Variants in ANO1 observed in about 807,000 individuals in gnomAD.
ANO1 encodes anoctamin-1.
ANO1 carries 59 observed loss-of-function variants against 124.0 expected under a neutral mutation model. The ratio of observed to expected loss-of-function variants is 0.48; its 90% CI spans 0.39 to 0.59. The LOEUF (loss-of-function observed/expected upper bound fraction) is 0.59. ANO1 is among the 20% of genes least tolerant of loss of function. The pLI, the probability that ANO1 is intolerant of heterozygous loss-of-function variation, is 0.00. For missense variants in ANO1, 1,059 were observed against 1,328.0 expected, an observed-to-expected ratio of 0.80 and a Z score of 3.15; for synonymous variants, 529 against 532.0, an observed-to-expected ratio of 0.99 and a Z score of 0.08.
the ANO1 span, among the ~76,000 whole-genome samples, chr11:69,966,143 G>T: frequency 6.6e-6 from 1 of 152,224 alleles, no homozygotes; most frequent in African/African-American, 2.4e-5. Flanking sequence ...AATGGAAGTC[G>T]CTGCTCAGGG....
chr11:70,027,061 A>T (rs1360732006), intron 1 of ANO1, among the ~76,000 whole-genome samples: 1 of 152,122 alleles, frequency 6.6e-6, no homozygotes, highest in Non-Finnish European at 1.5e-5. Flanking sequence ...CCTCCTCAGG[A>T]TGACAGCAAC....
the ANO1 span, among the ~76,000 whole-genome samples, chr11:69,971,168 G>A: frequency 6.6e-5 from 10 of 152,296 alleles, no homozygotes; most frequent in South Asian, 2.1e-3. Context: ...TGCTGGGGGG[G>A]CACCAACTAG....
chr11:70,112,936 G>T (rs1437679709), intron 7 of ANO1, among the ~76,000 whole-genome samples: 1 of 152,158 alleles, frequency 6.6e-6, no homozygotes, highest in Non-Finnish European at 1.5e-5. Context: ...CAGTTCAGGG[G>T]TGTATTCTCC....
chr11:70,087,658 G>A, intron 1 of ANO1, 94 bp from the exon 2 acceptor site: 1 of 1,230,872 alleles, frequency 8.1e-7, no homozygotes, highest in Non-Finnish European at 1.1e-6. Flanking sequence ...GAACGAGTGA[G>A]TGAGGAGTGA....
At chr11:69,974,596 G>A in the ANO1 span, among the ~76,000 whole-genome samples, 120 of 152,330 alleles carry the variant, frequency 7.9e-4, no homozygotes, top group African/African-American at 2.8e-3. Context: ...CTGGACCCAG[G>A]GATGGGGGAC....
chr11:70,114,483 T>G (rs1356646448), intron 7 of ANO1, among the ~76,000 whole-genome samples: 3 of 152,242 alleles, frequency 2.0e-5, no homozygotes, highest in Non-Finnish European at 2.9e-5. Context: ...AGGCTCTCAC[T>G]GCATGCAGTG....
At chr11:70,019,946 G>T (rs1856770508) in intron 1 of ANO1, among the ~76,000 whole-genome samples, 1 of 152,210 alleles carries the variant, frequency 6.6e-6, no homozygotes, top group Admixed American at 6.5e-5. Flanking sequence ...GGGGGCCGAG[G>T]GCCCCTGGCT....
intron 11 of ANO1, among the ~76,000 whole-genome samples, chr11:70,133,434 T>C (rs2046838098): frequency 6.6e-6 from 1 of 152,136 alleles, no homozygotes; most frequent in African/African-American, 2.4e-5. Flanking sequence ...CGGGGGAGGC[T>C]GGAAACCTAG....
chr11:70,131,682 G>A (rs1208172676), intron 10 of ANO1, among the ~76,000 whole-genome samples: 1 of 152,238 alleles, frequency 6.6e-6, no homozygotes, highest in African/African-American at 2.4e-5. Flanking sequence ...ATGAGGCCCT[G>A]CTGAGCTCAG....
intron 11 of ANO1, 36 bp downstream of exon 11, chr11:70,132,115 G>A (rs771068265): frequency 3.2e-6 from 5 of 1,553,172 alleles, no homozygotes; most frequent in Admixed American, 3.7e-5. Context: ...TTTTTGGGCA[G>A]TGGTGAGTCT....
chr11:70,032,865 A>T (rs1857027259), intron 1 of ANO1, among the ~76,000 whole-genome samples: 1 of 151,562 alleles, frequency 6.6e-6, no homozygotes, highest in Non-Finnish European at 1.5e-5. Flanking sequence ...AGAAGGGTGG[A>T]TGGAGGGAGA....
At chr11:70,093,572 C>A (rs565117512) in intron 2 of ANO1, among the ~76,000 whole-genome samples, 24 of 152,288 alleles carry the variant, frequency 1.6e-4, no homozygotes, top group African/African-American at 5.3e-4. Context: ...TGATGTTGAA[C>A]CTGACCCAGG....
chr11:70,151,294 C>T (rs372850403), intron 12 of ANO1, among the ~76,000 whole-genome samples: 2 of 152,238 alleles, frequency 1.3e-5, no homozygotes, highest in African/African-American at 4.8e-5. Flanking sequence ...CTTCCTCAGC[C>T]GATCTCATTA....
the ANO1 span, among the ~76,000 whole-genome samples, chr11:69,971,930 T>C: frequency 3.9e-5 from 6 of 151,972 alleles, no homozygotes; most frequent in African/African-American, 1.2e-4. Context: ...CAAAGAAAAG[T>C]GAAAGCGAGG....
intron 11 of ANO1, among the ~76,000 whole-genome samples, chr11:70,133,377 G>T (rs547485017): frequency 6.6e-6 from 1 of 152,308 alleles, no homozygotes; most frequent in South Asian, 2.1e-4. Flanking sequence ...CTCGAAGTAT[G>T]GCCTGTGATT....
At chr11:70,187,633 G>A (rs2049184838) in intron 25 of ANO1, 105 bp from the exon 26 acceptor site, 17 of 1,390,356 alleles carry the variant, frequency 1.2e-5, no homozygotes, top group South Asian at 9.8e-5. Flanking sequence ...AATGGGCCAG[G>A]AGGTGGTGGG....
At chr11:70,061,041 G>A (rs1372390840) in intron 1 of ANO1, among the ~76,000 whole-genome samples, 2 of 152,126 alleles carry the variant, frequency 1.3e-5, no homozygotes, top group Admixed American at 6.5e-5. Flanking sequence ...ATCCAACAAC[G>A]CCTAAGAACT....
intron 15 of ANO1, 89 bp downstream of exon 15, chr11:70,156,077 AT>A: frequency 8.1e-7 from 1 of 1,227,532 alleles, no homozygotes; most frequent in Non-Finnish European, 1.1e-6. Context: ...ACTGTTGTAT[AT>A]ATTTTTTTTT....
intron 22 of ANO1, among the ~76,000 whole-genome samples, chr11:70,174,863 G>A (rs1470465433): frequency 6.6e-6 from 1 of 151,814 alleles, no homozygotes; most frequent in Non-Finnish European, 1.5e-5. Flanking sequence ...CTGTCCCATG[G>A]CAGTAAAGAA....
Sources: allele counts gnomAD v4.1 joint callset (sites outside exome capture counted in the v4.1 genomes callset), GRCh38; gene constraint gnomAD v4.1.1; transcripts MANE v1.5; gene names NCBI Gene and HGNC (gene_info 2026-07-23, HGNC 2026-07-21).